The following KRABD5 variants were observed in gnomAD, a reference collection of about 807,000 sequenced individuals.
The protein encoded by KRABD5 is KRAB domain containing 5.
At chr16:31,758,316 G>C in the KRABD5 span, 4 of 152,056 alleles carry the variant, frequency 2.6e-5, no homozygotes, top group Non-Finnish European at 5.9e-5. Flanking sequence ...GTGAATAAAA[G>C]AGATTAAATA....
chr16:31,728,645 A>T, the KRABD5 span, among the ~76,000 whole-genome samples: 3 of 152,268 alleles, frequency 2.0e-5, no homozygotes, highest in East Asian at 5.8e-4. Flanking sequence ...CAGTGCAATC[A>T]GAAAAAAAAA....
the KRABD5 span, among the ~76,000 whole-genome samples, chr16:31,715,269 A>G: frequency 1.3e-5 from 2 of 152,328 alleles, no homozygotes; most frequent in African/African-American, 2.4e-5. Flanking sequence ...TTAATTGCTT[A>G]TGAGGGGGAA....
the KRABD5 span, among the ~76,000 whole-genome samples, chr16:31,725,311 T>C: frequency 2.6e-5 from 4 of 152,100 alleles, no homozygotes; most frequent in African/African-American, 4.8e-5. Flanking sequence ...AGAGACGGGG[T>C]TTCGCCATGT....
At chr16:31,725,398 G>A in the KRABD5 span, among the ~76,000 whole-genome samples, 1 of 152,190 alleles carries the variant, frequency 6.6e-6, no homozygotes, top group African/African-American at 2.4e-5. Context: ...GATTACAGGC[G>A]TGAGCCACTG....
the KRABD5 span, among the ~76,000 whole-genome samples, chr16:31,716,043 G>A: frequency 0.017 from 2,643 of 152,242 alleles, 74 homozygotes; most frequent in African/African-American, 0.06. Flanking sequence ...AGGCACTGGC[G>A]TCGCCATGCC....
At chr16:31,738,154 G>C in the KRABD5 span, among the ~76,000 whole-genome samples, 3 of 152,092 alleles carry the variant, frequency 2.0e-5, no homozygotes, top group African/African-American at 7.2e-5. Context: ...ATATGGTTAT[G>C]GATATTGTGT....
the KRABD5 span, chr16:31,754,307 C>G: frequency 1.6e-6 from 1 of 617,610 alleles, no homozygotes; most frequent in South Asian, 2.0e-5. Flanking sequence ...TGCCTGTGAT[C>G]AATATAGAAA....
chr16:31,726,744 C>A, the KRABD5 span, among the ~76,000 whole-genome samples: 6 of 151,728 alleles, frequency 4.0e-5, no homozygotes, highest in Admixed American at 3.9e-4. Context: ...TGAGCAACAG[C>A]GAGACTCTGC....
the KRABD5 span, chr16:31,714,299 C>G: frequency 2.2e-6 from 1 of 453,778 alleles, no homozygotes; most frequent in Non-Finnish European, 4.4e-6. Flanking sequence ...GTGTAAGTGC[C>G]TTACAGTTTC....
At chr16:31,754,974 C>T in the KRABD5 span, 67 of 456,980 alleles carry the variant, frequency 1.5e-4, 1 homozygote, top group Admixed American at 1.5e-4. Flanking sequence ...AAATGTAAAG[C>T]GTGTAGCAAA....
At chr16:31,723,374 T>C in the KRABD5 span, 3 of 1,605,054 alleles carry the variant, frequency 1.9e-6, no homozygotes, top group African/African-American at 1.3e-5. Flanking sequence ...GTGAATGAAG[T>C]AGATGACATG....
At chr16:31,730,093 A>G in the KRABD5 span, among the ~76,000 whole-genome samples, 1 of 152,318 alleles carries the variant, frequency 6.6e-6, no homozygotes, top group East Asian at 1.9e-4. Flanking sequence ...TCTGAATTTC[A>G]CTATTTACCA....
At chr16:31,720,924 T>C in the KRABD5 span, among the ~76,000 whole-genome samples, 13 of 152,216 alleles carry the variant, frequency 8.5e-5, no homozygotes, top group Non-Finnish European at 1.9e-4. Flanking sequence ...CTGGAAATTC[T>C]GAAACAAGCC....
At chr16:31,745,745 A>G in the KRABD5 span, among the ~76,000 whole-genome samples, 3 of 152,208 alleles carry the variant, frequency 2.0e-5, no homozygotes, top group East Asian at 1.9e-4. Flanking sequence ...CTGTTATTGT[A>G]TGGGAGTCTA....
At chr16:31,747,006 A>G in the KRABD5 span, among the ~76,000 whole-genome samples, 10 of 151,116 alleles carry the variant, frequency 6.6e-5, no homozygotes, top group Non-Finnish European at 1.2e-4. Flanking sequence ...AATTATTATT[A>G]TACTTTAAGT....
chr16:31,723,293 T>C, the KRABD5 span: 4 of 1,613,916 alleles, frequency 2.5e-6, no homozygotes, highest in East Asian at 2.2e-5. Context: ...GATCACCTTT[T>C]TGGAGCAAAG....
chr16:31,745,967 G>C, the KRABD5 span, among the ~76,000 whole-genome samples: 1 of 150,024 alleles, frequency 6.7e-6, no homozygotes, highest in Non-Finnish European at 1.5e-5. Context: ...CTTTCCATTT[G>C]CTTGGTAAAT....
At chr16:31,732,634 T>C in the KRABD5 span, among the ~76,000 whole-genome samples, 2 of 152,222 alleles carry the variant, frequency 1.3e-5, no homozygotes, top group Non-Finnish European at 2.9e-5. Flanking sequence ...ATGTTGTTCC[T>C]GTATTTGGAA....
the KRABD5 span, among the ~76,000 whole-genome samples, chr16:31,746,217 G>C: frequency 1.3e-5 from 2 of 152,074 alleles, no homozygotes; most frequent in South Asian, 4.1e-4. Flanking sequence ...AGTGTCATTA[G>C]TCTTTATGTT....
Sources: allele counts gnomAD v4.1 joint callset (sites outside exome capture counted in the v4.1 genomes callset), GRCh38; gene constraint gnomAD v4.1.1; transcripts MANE v1.5; gene names NCBI Gene and HGNC (gene_info 2026-07-23, HGNC 2026-07-21).